Variants in CPPED1 observed in about 807,000 individuals in gnomAD.
The protein encoded by CPPED1 is calcineurin like phosphoesterase domain containing 1.
CPPED1 carries 28 observed loss-of-function variants against 28.0 expected under a neutral mutation model. The observed-to-expected ratio is 1.00, with a 90% CI of 0.74 to 1.37. The LOEUF (loss-of-function observed/expected upper bound fraction) is 1.37, where lower values mean the gene tolerates loss of function less well. CPPED1 is among the 40% of genes most tolerant of loss of function. CPPED1 has a pLI of 0.00. For missense variants in CPPED1, 504 were observed against 416.5 expected, an observed-to-expected ratio of 1.21 and a Z score of -1.83; for synonymous variants, 198 against 180.2, an observed-to-expected ratio of 1.10 and a Z score of -0.79.
chr16:12,705,632 C>A (rs2080046090), intron 2 of CPPED1, among the ~76,000 whole-genome samples: 1 of 152,160 alleles, frequency 6.6e-6, no homozygotes, highest in South Asian at 2.1e-4. Flanking sequence ...GGCACGGGCA[C>A]CTGTAATCCC....
intron 3 of CPPED1, among the ~76,000 whole-genome samples, chr16:12,674,390 C>G (rs553107681): frequency 6.6e-6 from 1 of 152,266 alleles, no homozygotes; most frequent in East Asian, 1.9e-4. Context: ...GGGGGAAACA[C>G]TTCTTGGGTT....
chr16:12,679,840 T>G (rs938838018), intron 3 of CPPED1, among the ~76,000 whole-genome samples: 2 of 152,200 alleles, frequency 1.3e-5, no homozygotes, highest in Non-Finnish European at 2.9e-5. Flanking sequence ...TGGAATTTCC[T>G]TATCTGACTA....
chr16:12,746,208 C>G (rs750331293), intron 2 of CPPED1, among the ~76,000 whole-genome samples: 1 of 151,902 alleles, frequency 6.6e-6, no homozygotes, highest in Non-Finnish European at 1.5e-5. Flanking sequence ...AACCTCGTCT[C>G]TACTAAAAAT....
At chr16:12,720,379 T>C (rs2080133068) in intron 2 of CPPED1, 1 of 154,426 alleles carries the variant, frequency 6.5e-6, no homozygotes, top group Non-Finnish European at 1.5e-5. Flanking sequence ...AGCAAGCTTT[T>C]CCTAAAGAGG....
At chr16:12,795,974 T>G (rs2080625240) in intron 1 of CPPED1, among the ~76,000 whole-genome samples, 1 of 151,760 alleles carries the variant, frequency 6.6e-6, no homozygotes. Context: ...TCCCAGCTAC[T>G]TGGGAGTCCG....
chr16:12,751,819 G>A (rs1371980966), intron 2 of CPPED1, among the ~76,000 whole-genome samples: 2 of 152,066 alleles, frequency 1.3e-5, no homozygotes, highest in East Asian at 3.9e-4. Flanking sequence ...TATTTTTGGT[G>A]TTTTTTTATG....
intron 2 of CPPED1, among the ~76,000 whole-genome samples, chr16:12,763,368 C>T (rs753161839): frequency 6.6e-6 from 1 of 152,038 alleles, no homozygotes; most frequent in African/African-American, 2.4e-5. Flanking sequence ...CACCATGGCT[C>T]GCCTTGGTAA....
chr16:12,738,714 A>G (rs1399624926), intron 2 of CPPED1, among the ~76,000 whole-genome samples: 2 of 152,230 alleles, frequency 1.3e-5, no homozygotes, highest in East Asian at 1.9e-4. Context: ...TGGGTAATTT[A>G]GTAGCCTACC....
At chr16:12,666,633 G>A (rs1212429408) in intron 3 of CPPED1, among the ~76,000 whole-genome samples, 1 of 152,166 alleles carries the variant, frequency 6.6e-6, no homozygotes, top group Non-Finnish European at 1.5e-5. Flanking sequence ...TGAACCAGAT[G>A]TAGAAGAGAT....
At chr16:12,787,041 C>T (rs942897960) in intron 1 of CPPED1, among the ~76,000 whole-genome samples, 2 of 152,148 alleles carry the variant, frequency 1.3e-5, no homozygotes, top group Non-Finnish European at 1.5e-5. Flanking sequence ...TACACCCATA[C>T]GTACACACAC....
chr16:12,730,053 G>A (rs547206347), intron 2 of CPPED1, among the ~76,000 whole-genome samples: 1 of 152,234 alleles, frequency 6.6e-6, no homozygotes, highest in South Asian at 2.1e-4. Context: ...GTAGAGATGG[G>A]GCCTTGCTAT....
chr16:12,694,241 A>T (rs1771081448), intron 3 of CPPED1, among the ~76,000 whole-genome samples: 1 of 152,182 alleles, frequency 6.6e-6, no homozygotes, highest in Non-Finnish European at 1.5e-5. Context: ...AGACATTTTT[A>T]GTTGAAGAGC....
chr16:12,673,729 G>C (rs2079864122), intron 3 of CPPED1, among the ~76,000 whole-genome samples: 1 of 152,182 alleles, frequency 6.6e-6, no homozygotes, highest in Non-Finnish European at 1.5e-5. Context: ...CTTAAGAGTA[G>C]CAAAGATGCT....
intron 3 of CPPED1, among the ~76,000 whole-genome samples, chr16:12,675,233 C>T (rs2079872041): frequency 6.6e-6 from 1 of 152,214 alleles, no homozygotes; most frequent in African/African-American, 2.4e-5. Context: ...TCAGCCTGGG[C>T]ATCAGTCATC....
At position 12,684,624 on chromosome 16, in the gene CPPED1, G is replaced by C. The variant is rs542734674; in HGVS notation, c.716-19509C>G. On this transcript the variant is annotated intron_variant, in intron 3 of 3. Transcript: ENST00000381774. The stretch of plus-strand genomic sequence containing the variant: ...TTTCCTCCAATGGGAAAACATCCCT[G>C]GTGAAGGTGCACAGGGCTGCTTCTT... 2.6e-5 allele frequency among the ~76,000 whole-genome samples: 4 copies of C among 152,268 alleles called. No homozygotes were observed. In the East Asian group the frequency reaches 7.7e-4, roughly 29 times the overall value.
Position 12,670,525 on chromosome 16 carries a change from T to C in CPPED1, c.716-5410A>G, listed in dbSNP as rs902466110. ...AAGAGAAGGTTAAAAAAAAAAAGAA[T>C]GTATTTACAGTGAAGAAACTGGACA... On this transcript the variant is annotated intron_variant, in intron 3 of 3. Coordinates refer to ENST00000381774, the MANE Select transcript of CPPED1 (RefSeq NM_018340.3). This position sits in a 1 kb window ranked among gnomAD's most constrained non-coding sequence, Gnocchi z 4.2. Among the ~76,000 whole-genome samples the C allele has an allele frequency of 5.3e-5, 8 of 151,736 alleles. No homozygotes were observed. Among genetic ancestry groups the C allele is most frequent in the Admixed American group, 2.0e-4 (3 of 15,246 alleles).
chr16:12,764,870 C>T (rs1486893761), intron 2 of CPPED1, among the ~76,000 whole-genome samples: 1 of 152,206 alleles, frequency 6.6e-6, no homozygotes, highest in Non-Finnish European at 1.5e-5. Flanking sequence ...GGGGCAAACA[C>T]ATAGGCAGAT....
At chr16:12,757,346 T>C (rs2080377184) in intron 2 of CPPED1, 1 of 151,968 alleles carries the variant, frequency 6.6e-6, no homozygotes, top group African/African-American at 2.4e-5. Flanking sequence ...TACTACAAAT[T>C]TGAAGGGCCC....
At chr16:12,730,256 C>T (rs991814073) in intron 2 of CPPED1, among the ~76,000 whole-genome samples, 1 of 152,160 alleles carries the variant, frequency 6.6e-6, no homozygotes, top group African/African-American at 2.4e-5. Flanking sequence ...CCCACCTTGG[C>T]CTCCCAAAGT....
Sources: allele counts gnomAD v4.1 joint callset (sites outside exome capture counted in the v4.1 genomes callset), GRCh38; gene constraint gnomAD v4.1.1; non-coding constraint Gnocchi (gnomAD v3.1); transcripts MANE v1.5; gene names NCBI Gene and HGNC (gene_info 2026-07-23, HGNC 2026-07-21).